ZBTB20: variants seen among roughly 807,000 people sequenced by gnomAD.
ZBTB20 encodes the protein zinc finger and BTB domain-containing protein 20.
Under a neutral mutation model 56.9 loss-of-function variants are expected in ZBTB20, and 9 were observed. That is an observed-to-expected ratio of 0.16 (90% CI 0.10 to 0.28). The LOEUF (loss-of-function observed/expected upper bound fraction) is 0.28. ZBTB20 is among the 10% of genes least tolerant of loss of function. ZBTB20 has a pLI of 1.00. For synonymous variants in ZBTB20, 417 were observed against 420.7 expected (o/e 0.99, Z 0.11); for missense variants, 655 against 1,003.0 (o/e 0.65, Z 4.69).
rs538195760 is a variant in ZBTB20 at position 114,841,979 on chromosome 3, T to C, written c.-416-40805A>G. Among the ~76,000 whole-genome samples, 5 of 152,252 alleles carry C rather than the reference T, an allele frequency of 3.3e-5. No homozygotes were observed. In the South Asian group the frequency reaches 1.0e-3, roughly 32 times the overall value. On this transcript the variant is annotated intron_variant, in intron 4 of 11. Transcript: ENST00000675478. Reference sequence around the variant, plus strand: ...TAGCAAGGCTGCCTCTAATGAGACTTTATACAACCCCCTTCATAGTAAGTT... The same window carrying C: ...TAGCAAGGCTGCCTCTAATGAGACTCTATACAACCCCCTTCATAGTAAGTT...
intron 6 of ZBTB20, among the ~76,000 whole-genome samples, chr3:114,532,087 C>T (rs1164293979): frequency 6.6e-6 from 1 of 152,166 alleles, no homozygotes; most frequent in Non-Finnish European, 1.5e-5. Flanking sequence ...GAGCTAGCTG[C>T]AGGAATTATT....
At chr3:114,889,252 T>C (rs2076717967) in intron 4 of ZBTB20, among the ~76,000 whole-genome samples, 1 of 151,874 alleles carries the variant, frequency 6.6e-6, no homozygotes, top group African/African-American at 2.4e-5. Flanking sequence ...CTATTAGATA[T>C]TACATGTTTA....
At chr3:114,794,486 C>T (rs2071202269) in intron 5 of ZBTB20, among the ~76,000 whole-genome samples, 1 of 151,978 alleles carries the variant, frequency 6.6e-6, no homozygotes, top group Non-Finnish European at 1.5e-5. Flanking sequence ...GATAGGAATT[C>T]TAGGCCTGAA....
chr3:115,145,142 T>C (rs995215206), intron 1 of ZBTB20, among the ~76,000 whole-genome samples: 3 of 152,176 alleles, frequency 2.0e-5, no homozygotes, highest in Admixed American at 6.5e-5. Context: ...AAAGCTTTCC[T>C]GGGAGACTAC....
intron 6 of ZBTB20, among the ~76,000 whole-genome samples, chr3:114,657,047 A>T (rs572082771): frequency 1.3e-5 from 2 of 152,242 alleles, no homozygotes; most frequent in East Asian, 1.9e-4. Context: ...ATGGACTTTA[A>T]AAAAAAATTA....
intron 2 of ZBTB20, among the ~76,000 whole-genome samples, chr3:114,985,480 T>C (rs2078498257): frequency 6.6e-6 from 1 of 152,140 alleles, no homozygotes; most frequent in Non-Finnish European, 1.5e-5. Context: ...CTAAAATGTA[T>C]TAATACATAA....
intron 3 of ZBTB20, among the ~76,000 whole-genome samples, chr3:114,903,235 T>A (rs542711306): frequency 1.3e-5 from 2 of 152,226 alleles, no homozygotes; most frequent in East Asian, 3.9e-4. Context: ...ATTTAAATTT[T>A]CTGTCTGTAA....
At chr3:114,995,232 C>T (rs548248738) in intron 2 of ZBTB20, among the ~76,000 whole-genome samples, 14 of 151,866 alleles carry the variant, frequency 9.2e-5, no homozygotes, top group Admixed American at 4.6e-4. Flanking sequence ...TCTGTAAAAA[C>T]AAAATTCAAG....
intron 1 of ZBTB20, among the ~76,000 whole-genome samples, chr3:115,142,794 C>T (rs982167565): frequency 1.3e-5 from 2 of 152,038 alleles, no homozygotes; most frequent in Admixed American, 6.6e-5. Flanking sequence ...CAATCACAAA[C>T]TGCTCTAAAG....
intron 6 of ZBTB20, among the ~76,000 whole-genome samples, chr3:114,587,235 GAT>G (rs905784385): frequency 7.9e-5 from 12 of 152,100 alleles, no homozygotes; most frequent in African/African-American, 2.7e-4. Context: ...GACTACAGGT[GAT>G]CTGCCCACCT....
At chr3:114,427,116 A>C (rs1172507016) in intron 7 of ZBTB20, among the ~76,000 whole-genome samples, 1 of 152,246 alleles carries the variant, frequency 6.6e-6, no homozygotes, top group Non-Finnish European at 1.5e-5. Flanking sequence ...AGGAGGAAGG[A>C]ATCAGAAGAC....
At chr3:114,819,581 G>C (rs2073126376) in intron 4 of ZBTB20, among the ~76,000 whole-genome samples, 1 of 151,784 alleles carries the variant, frequency 6.6e-6, no homozygotes, top group South Asian at 2.1e-4. Flanking sequence ...AATGATTCTG[G>C]AACAATTGAT....
chr3:114,951,244 T>G (rs1020227801), intron 3 of ZBTB20, among the ~76,000 whole-genome samples: 32 of 151,206 alleles, frequency 2.1e-4, no homozygotes, highest in Admixed American at 6.6e-4. Context: ...ATTGCTTTTG[T>G]TTTTTTTTCT....
chr3:115,061,388 T>C (rs1213457444), intron 2 of ZBTB20, among the ~76,000 whole-genome samples: 2 of 152,158 alleles, frequency 1.3e-5, no homozygotes, highest in Admixed American at 6.5e-5. Flanking sequence ...ATTATATAAA[T>C]ATGCAAGTTT....
intron 1 of ZBTB20, among the ~76,000 whole-genome samples, chr3:115,136,558 C>T (rs1267891755): frequency 7.2e-5 from 11 of 152,060 alleles, no homozygotes. Flanking sequence ...TAAAACATCA[C>T]ACTGAATCAA....
intron 2 of ZBTB20, among the ~76,000 whole-genome samples, chr3:115,062,796 A>G (rs550274456): frequency 6.6e-6 from 1 of 152,314 alleles, no homozygotes; most frequent in African/African-American, 2.4e-5. Flanking sequence ...CTAATGAGTC[A>G]GCAAACAGTT....
intron 6 of ZBTB20, among the ~76,000 whole-genome samples, chr3:114,514,308 T>G (rs2109842445): frequency 6.6e-6 from 1 of 152,234 alleles, no homozygotes; most frequent in East Asian, 1.9e-4. Flanking sequence ...TCTCATAGGG[T>G]TTAGGAACTA....
chr3:115,015,652 T>C (rs922229134), intron 2 of ZBTB20, among the ~76,000 whole-genome samples: 8 of 151,958 alleles, frequency 5.3e-5, no homozygotes, highest in African/African-American at 1.9e-4. Flanking sequence ...CATGATCTCA[T>C]TTCTTTTTAT....
intron 10 of ZBTB20, among the ~76,000 whole-genome samples, chr3:114,360,383 C>T (rs547510275): frequency 1.3e-5 from 2 of 150,408 alleles, no homozygotes; most frequent in Non-Finnish European, 3.0e-5. Context: ...TTGTTCTGTC[C>T]CCTAGGCTGG....
Sources: gnomAD v4.1 joint callset for allele counts (sites outside exome capture counted in the v4.1 genomes callset) on GRCh38, gnomAD v4.1.1 for gene constraint, MANE v1.5 for transcripts, NCBI Gene and HGNC (gene_info 2026-07-23, HGNC 2026-07-21) for gene names.